Variants in HMGB1 observed in about 807,000 individuals in gnomAD.
The protein encoded by HMGB1 is high mobility group box 1.
For synonymous variants in HMGB1, 81 were observed against 84.0 expected (o/e 0.96, Z 0.19); for missense variants, 79 against 253.5 (o/e 0.31, Z 4.67).
intron 1 of HMGB1, among the ~76,000 whole-genome samples, chr13:30,532,020 T>C (rs147645976): frequency 6.6e-5 from 10 of 152,036 alleles, no homozygotes; most frequent in African/African-American, 2.4e-4. Flanking sequence ...TAGATTTCTT[T>C]ATGCATGTCC....
At position 30,463,250 on chromosome 13, in the gene HMGB1, T is replaced by C. The variant is rs1240506644; in HGVS notation, c.253A>G (p.Thr85Ala). The change falls in exon 3 of 5, where the codon ACA (threonine) becomes GCA (alanine). Residue 85 changes from threonine to alanine, a missense_variant. Transcript: ENST00000341423. ...MKTYIPPKGE[T>A]KKKFKDPNAP... is the part of the protein sequence containing the mutation. ...TTGGGATCCTTGAACTTCTTTTTTG[T>C]CTCCCCTTTGGGAGGGATATAGGTT... 6.2e-7 allele frequency: 1 copy of C among 1,603,820 alleles called. No individual in the cohort carries two copies. The highest frequency in any genetic ancestry group is 1.8e-5 in the Admixed American group (1 of 57,134).
intron 1 of HMGB1, among the ~76,000 whole-genome samples, chr13:30,571,606 T>G (rs567425128): frequency 6.6e-6 from 1 of 152,278 alleles, no homozygotes; most frequent in East Asian, 1.9e-4. Flanking sequence ...AATGGCCAAG[T>G]TTTATTATGG....
chr13:30,586,471 T>C (rs17074762), intron 1 of HMGB1, among the ~76,000 whole-genome samples: 1 of 90,252 alleles, frequency 1.1e-5, no homozygotes, highest in Non-Finnish European at 2.0e-5. Flanking sequence ...AAATCACTGG[T>C]TTTTTTTGTT....
intron 1 of HMGB1, among the ~76,000 whole-genome samples, chr13:30,526,322 G>C (rs1023283772): frequency 6.6e-6 from 1 of 152,242 alleles, no homozygotes; most frequent in African/African-American, 2.4e-5. Context: ...CTCCCAAAGT[G>C]CTGGGTTTAT....
At chr13:30,463,953 T>C in intron 1 of HMGB1, 1 of 356,878 alleles carries the variant, frequency 2.8e-6, no homozygotes, top group African/African-American at 2.2e-5. Context: ...CATACAGTAT[T>C]CCCTATCTAT....
At chr13:30,521,833 A>G (rs1282444502) in intron 1 of HMGB1, among the ~76,000 whole-genome samples, 5 of 152,240 alleles carry the variant, frequency 3.3e-5, no homozygotes, top group Admixed American at 1.3e-4. Context: ...CAATCCTACC[A>G]GCAGTATATG....
chr13:30,519,121 G>A (rs1289318829), intron 1 of HMGB1, among the ~76,000 whole-genome samples: 8 of 151,970 alleles, frequency 5.3e-5, no homozygotes, highest in South Asian at 2.1e-4. Context: ...GGCTGGATGC[G>A]GTGGCTCATG....
At chr13:30,609,669 C>T (rs1950495769) in intron 1 of HMGB1, among the ~76,000 whole-genome samples, 1 of 152,118 alleles carries the variant, frequency 6.6e-6, no homozygotes, top group African/African-American at 2.4e-5. Flanking sequence ...GTGGTGATTT[C>T]TGAGATTTTA....
chr13:30,613,949 A>T, intron 1 of HMGB1, among the ~76,000 whole-genome samples: 1 of 151,980 alleles, frequency 6.6e-6, no homozygotes, highest in South Asian at 2.1e-4. Flanking sequence ...ATAATGGTAC[A>T]TTATAAAATG....
At chr13:30,529,008 G>A (rs1384933866) in intron 1 of HMGB1, among the ~76,000 whole-genome samples, 4 of 125,978 alleles carry the variant, frequency 3.2e-5, no homozygotes, top group African/African-American at 6.0e-5. Flanking sequence ...CAGCCTGGGC[G>A]ACAGGGCGAG....
intron 1 of HMGB1, among the ~76,000 whole-genome samples, chr13:30,607,883 G>C (rs1249426107): frequency 1.3e-5 from 2 of 152,084 alleles, no homozygotes; most frequent in Non-Finnish European, 2.9e-5. Flanking sequence ...AGACATTACT[G>C]AATTACTTGT....
At chr13:30,517,716 G>A (rs1251797653) in intron 1 of HMGB1, among the ~76,000 whole-genome samples, 2 of 152,172 alleles carry the variant, frequency 1.3e-5, no homozygotes, top group African/African-American at 4.8e-5. Flanking sequence ...CTGAAGTTCT[G>A]TGATTTGGGA....
chr13:30,563,292 A>G (rs924129463), intron 1 of HMGB1, among the ~76,000 whole-genome samples: 15 of 152,188 alleles, frequency 9.9e-5, no homozygotes, highest in African/African-American at 3.4e-4. Flanking sequence ...AGGAGTGATA[A>G]CATTGCTTGG....
Position 30,603,442 on chromosome 13 carries a change from G to A in HMGB1, c.-15+13229C>T, listed in dbSNP as rs1202354282. Among the ~76,000 whole-genome samples, 3 of 152,104 alleles carry A rather than the reference G, an allele frequency of 2.0e-5. No homozygotes were observed. In the East Asian group the frequency reaches 5.8e-4, roughly 29 times the overall value. On this transcript the variant is annotated intron_variant, in intron 1 of 4. Coordinates refer to the HMGB1 transcript ENST00000405805. ...CTCTCCTTCTATATGACCACACTAA[G>A]TCTTATTTAGGCATCGTTTCTTCTG...
At chr13:30,570,370 G>T (rs1435104614) in intron 1 of HMGB1, among the ~76,000 whole-genome samples, 5 of 152,210 alleles carry the variant, frequency 3.3e-5, no homozygotes, top group African/African-American at 1.2e-4. Context: ...CCAAATGCTA[G>T]TGAAAACTTT....
chr13:30,512,440 G>C (rs770629100), intron 1 of HMGB1, among the ~76,000 whole-genome samples: 12 of 152,302 alleles, frequency 7.9e-5, no homozygotes, highest in Admixed American at 2.6e-4. Context: ...AAGAATGAAC[G>C]TGACAGTTCA....
chr13:30,610,188 G>A (rs146253759), intron 1 of HMGB1, among the ~76,000 whole-genome samples: 1 of 152,086 alleles, frequency 6.6e-6, no homozygotes, highest in Non-Finnish European at 1.5e-5. Flanking sequence ...TATGCTATCA[G>A]TAAACTTCCA....
intron 1 of HMGB1, among the ~76,000 whole-genome samples, chr13:30,471,259 C>T (rs1218202586): frequency 3.3e-5 from 5 of 152,194 alleles, no homozygotes; most frequent in African/African-American, 9.6e-5. Flanking sequence ...TGTGAGCCAG[C>T]GCGCCTGGCC....
chr13:30,570,691 G>A (rs372319250), intron 1 of HMGB1, among the ~76,000 whole-genome samples: 2 of 152,152 alleles, frequency 1.3e-5, no homozygotes, highest in African/African-American at 2.4e-5. Context: ...GAATAAAAGC[G>A]TAATGTTGGT....
Sources: allele counts gnomAD v4.1 joint callset (sites outside exome capture counted in the v4.1 genomes callset), GRCh38; gene constraint gnomAD v4.1.1; transcripts MANE v1.5; gene names NCBI Gene and HGNC (gene_info 2026-07-23, HGNC 2026-07-21).